The following MICAL3 variants were observed in gnomAD, a reference collection of about 807,000 sequenced individuals.
MICAL3 encodes [F-actin]-monooxygenase MICAL3.
Under a neutral mutation model 207.4 loss-of-function variants are expected in MICAL3, and 62 were observed. That is an observed-to-expected ratio of 0.30 (90% CI 0.24 to 0.37). The LOEUF is 0.37. Ranked by LOEUF, MICAL3 falls within the 10% of genes least tolerant of loss-of-function variation. The pLI is 1.00. For synonymous variants in MICAL3, 1,077 were observed against 1,069.3 expected, an observed-to-expected ratio of 1.01 and a Z score of -0.14; for missense variants, 2,368 against 2,635.6, an observed-to-expected ratio of 0.90 and a Z score of 2.22.
At chr22:17,983,063 G>A (rs1234349132) in intron 1 of MICAL3, 4 of 152,198 alleles carry the variant, frequency 2.6e-5, no homozygotes, top group Non-Finnish European at 5.9e-5. Flanking sequence ...AGCTCAGCAG[G>A]TCTCTCTCAT....
intron 1 of MICAL3, among the ~76,000 whole-genome samples, chr22:18,015,139 C>T (rs5747445): frequency 0.074 from 11,313 of 152,192 alleles, 796 homozygotes; most frequent in East Asian, 0.18. Flanking sequence ...CACAAACTAC[C>T]TGCCGTAAGC....
At chr22:17,909,317 A>C (rs973719926) in intron 1 of MICAL3, among the ~76,000 whole-genome samples, 6 of 152,200 alleles carry the variant, frequency 3.9e-5, no homozygotes, top group Non-Finnish European at 7.3e-5. Flanking sequence ...TGAGGTCAGG[A>C]GTTCAAGACC....
At chr22:17,930,853 T>C (rs1933215238) in intron 1 of MICAL3, among the ~76,000 whole-genome samples, 1 of 152,186 alleles carries the variant, frequency 6.6e-6, no homozygotes, top group Non-Finnish European at 1.5e-5. Context: ...CCTGCCCCAC[T>C]CTCCACACTG....
intron 1 of MICAL3, among the ~76,000 whole-genome samples, chr22:18,018,039 C>T (rs985893381): frequency 3.3e-5 from 5 of 150,538 alleles, no homozygotes; most frequent in African/African-American, 2.4e-5. Context: ...CATGCCACCG[C>T]GCCCGGCCGT....
At position 17,841,534 on chromosome 22, in the gene MICAL3, C is replaced by T. The variant is rs1216086087; in HGVS notation, c.2801+288G>A. The T allele has an allele frequency of 2.3e-5, 13 of 559,870 alleles. No individual in the cohort carries two copies. Among genetic ancestry groups the T allele is most frequent in the Non-Finnish European group, 3.8e-5 (12 of 313,824 alleles). The allele number at this position is 559,870 out of a possible 1,614,324, so 34.7% of individuals were successfully genotyped here. A position where few individuals can be genotyped will look rare whatever the true frequency, so the allele number is the denominator to read the frequency against. ...CCCTCTGCTGAATCTGTGAATAACC[C>T]GGGGGCAGAGCCTGCCACTTTCCTT... On this transcript the variant is annotated intron_variant, in intron 20 of 31. Transcript: ENST00000441493. The surrounding 1 kb of genome is among the most constrained non-coding windows in gnomAD (Gnocchi z 4.2).
At chr22:17,815,777 GTTAT>G (rs1920976083) in intron 27 of MICAL3, 1 of 152,442 alleles carries the variant, frequency 6.6e-6, no homozygotes, top group African/African-American at 2.4e-5. Context: ...GGTTTGCTGA[GTTAT>G]TTAAAGAGGA....
chr22:17,912,142 C>T (rs1443952523), intron 1 of MICAL3, among the ~76,000 whole-genome samples: 1 of 152,146 alleles, frequency 6.6e-6, no homozygotes, highest in Non-Finnish European at 1.5e-5. Context: ...CATAGTTTGA[C>T]CATATATGTT....
intron 16 of MICAL3, among the ~76,000 whole-genome samples, chr22:17,880,174 G>A (rs9605422): frequency 0.17 from 25,795 of 152,152 alleles, 2,423 homozygotes; most frequent in East Asian, 0.26. Context: ...AGGCCAGAGC[G>A]TAGCCCCGGT....
chr22:17,842,011 C>T lies in MICAL3; in HGVS notation c.2612G>A (p.Gly871Asp), dbSNP rs757136152. The T allele has an allele frequency of 5.0e-6, 8 of 1,600,794 alleles. No individual in the cohort carries two copies. The Middle Eastern group carries it at 1.0e-3, about 200-fold the overall frequency. The change falls in exon 20 of 32, where the codon GGC (glycine) becomes GAC (aspartate). Residue 871 changes from glycine to aspartate, a missense_variant. By Grantham distance (94) the Gly-to-Asp change is moderately conservative. This residue lies in a region of MICAL3 where 1,770 missense variants were observed against 1,863.2 expected (regional missense o/e 0.95). Coordinates refer to ENST00000441493, the MANE Select transcript of MICAL3 (RefSeq NM_015241.3). The stretch of plus-strand genomic sequence containing the variant: ...GCTGGGCTCCTCCAGGCCGTTCACG[C>T]CTGAACCTGCGGGACAAGCACAGAA... ...ASSTERTPGS[G>D]VNGLEEPSIA...
At position 17,831,708 on chromosome 22, in the gene MICAL3, C is replaced by A; in HGVS notation, c.3055+146G>T. ...CTACGGTGTCCTCCCCTCTGCCCCCCATGTCTTATGTCAGGAGGGGTGGTC... is the reference window on the plus strand; with the variant it reads ...CTACGGTGTCCTCCCCTCTGCCCCCAATGTCTTATGTCAGGAGGGGTGGTC... On this transcript the variant is annotated intron_variant, in intron 21 of 31. Transcript: ENST00000441493. The A allele has an allele frequency of 2.3e-6, 3 of 1,331,456 alleles. No homozygotes were observed. The South Asian group carries it at 4.6e-5, about 21-fold the overall frequency. The allele number at this position is 1,331,456 out of a possible 1,614,324, so 82.5% of individuals were successfully genotyped here.
intron 1 of MICAL3, among the ~76,000 whole-genome samples, chr22:18,015,176 G>A (rs1415345998): frequency 6.6e-6 from 1 of 152,126 alleles, no homozygotes; most frequent in East Asian, 1.9e-4. Flanking sequence ...TTAAATGACA[G>A]CAAGAGGAAA....
chr22:17,989,794 C>T (rs1921457603), intron 1 of MICAL3, among the ~76,000 whole-genome samples: 1 of 152,210 alleles, frequency 6.6e-6, no homozygotes, highest in Non-Finnish European at 1.5e-5. Context: ...CCCTAACTTG[C>T]AGGGCTGACA....
chr22:17,895,447 A>G, intron 9 of MICAL3, 37 bp from the exon 10 acceptor site: 1 of 1,610,144 alleles, frequency 6.2e-7, no homozygotes, highest in South Asian at 1.1e-5. Context: ...AATCGGGACC[A>G]GCACCATGAA....
At position 17,816,694 on chromosome 22, in the gene MICAL3, C is replaced by A; in HGVS notation, c.5441G>T (p.Arg1814Leu). 1.3e-6 allele frequency: 2 copies of A among 1,552,464 alleles called. No homozygotes were observed. The highest frequency in any genetic ancestry group is 8.7e-7 in the Non-Finnish European group (1 of 1,147,532). Residue 1814 changes from arginine to leucine, a missense_variant, in exon 27 of 32, where the codon CGA (arginine) becomes CTA (leucine). By Grantham distance (102) the Arg-to-Leu change is moderately radical. Coordinates refer to ENST00000441493, the MANE Select transcript of MICAL3 (RefSeq NM_015241.3). Reference sequence around the variant, plus strand: ...GCCCCCTGCCTGACTACCCACCTCTCGCCGGGACTTCTGTGAGGACTTCTC... The same window carrying A: ...GCCCCCTGCCTGACTACCCACCTCTAGCCGGGACTTCTGTGAGGACTTCTC... ...VLEKSSQKSRREPRTYTEEEL... is the reference protein window; with the variant it reads ...VLEKSSQKSRLEPRTYTEEEL...
chr22:17,824,240 C>T (rs889231783), intron 22 of MICAL3, among the ~76,000 whole-genome samples: 1 of 152,162 alleles, frequency 6.6e-6, no homozygotes. Context: ...AGCCCAGCCA[C>T]CCTCAAATTA....
chr22:17,842,163 G>A, intron 19 of MICAL3, 146 bp from the exon 20 acceptor site: 1 of 722,372 alleles, frequency 1.4e-6, no homozygotes, highest in South Asian at 1.8e-5. Context: ...CCAGAGGCCA[G>A]AGAAGGACCC....
intron 27 of MICAL3, chr22:17,813,980 T>C (rs925603509): frequency 6.6e-6 from 1 of 152,228 alleles, no homozygotes; most frequent in African/African-American, 2.4e-5. Flanking sequence ...ATCCTAAATT[T>C]TCTATAATAA....
intron 1 of MICAL3, among the ~76,000 whole-genome samples, chr22:17,954,088 T>G (rs73876533): frequency 2.2e-3 from 327 of 151,950 alleles, no homozygotes; most frequent in African/African-American, 7.5e-3. Flanking sequence ...CGGGAAACTA[T>G]GAAAGAAGGT....
At position 17,902,044 on chromosome 22, in the gene MICAL3, C is replaced by A; in HGVS notation, c.590-65G>T. On this transcript the variant is annotated intron_variant, in intron 4 of 31. Transcript: ENST00000441493. This position sits in a 1 kb window ranked among gnomAD's most constrained non-coding sequence, Gnocchi z 4.5. ...ACCACATTCACAGCCAGGACCATCT[C>A]TAGATACCCAGTCATGTGAACTGCA... The A allele has an allele frequency of 8.6e-7, 1 of 1,159,518 alleles. No homozygotes were observed. Among genetic ancestry groups the A allele is most frequent in the African/African-American group, 1.5e-5 (1 of 65,998 alleles). The allele number at this position is 1,159,518 out of a possible 1,614,324, so 71.8% of individuals were successfully genotyped here.
Sources: gnomAD v4.1 joint callset for allele counts (sites outside exome capture counted in the v4.1 genomes callset) on GRCh38, gnomAD v4.1.1 for gene constraint, gnomAD v4.1.1 regional missense constraint, Gnocchi (gnomAD v3.1) non-coding constraint, MANE v1.5 for transcripts, NCBI Gene and HGNC (gene_info 2026-07-23, HGNC 2026-07-21) for gene names.